Variants in ESRRG observed in about 807,000 individuals in gnomAD.
The protein encoded by ESRRG is estrogen related receptor gamma.
Under a neutral mutation model 44.0 loss-of-function variants are expected in ESRRG, and 13 were observed. That is an observed-to-expected ratio of 0.30 (90% CI 0.19 to 0.47). The LOEUF (loss-of-function observed/expected upper bound fraction) is 0.47, where lower values mean the gene tolerates loss of function less well. Ranked by LOEUF, ESRRG falls within the 20% of genes least tolerant of loss-of-function variation. ESRRG has a pLI of 1.00. For missense variants in ESRRG, 395 were observed against 580.6 expected, an observed-to-expected ratio of 0.68 and a Z score of 3.29; for synonymous variants, 215 against 214.6, an observed-to-expected ratio of 1.00 and a Z score of -0.02.
chr1:216,759,034 G>A (rs1174175976), intron 2 of ESRRG, among the ~76,000 whole-genome samples: 2 of 151,952 alleles, frequency 1.3e-5, no homozygotes, highest in African/African-American at 4.8e-5. Flanking sequence ...TTCAAACAAG[G>A]TCTAACTGGC....
At chr1:217,116,859 G>A (rs534253670) in intron 1 of ESRRG, among the ~76,000 whole-genome samples, 2 of 152,122 alleles carry the variant, frequency 1.3e-5, no homozygotes, top group South Asian at 2.1e-4. Flanking sequence ...TACTATTAAA[G>A]GATTGAGGAT....
intron 2 of ESRRG, among the ~76,000 whole-genome samples, chr1:216,730,235 C>G (rs2088461968): frequency 6.9e-6 from 1 of 144,906 alleles, no homozygotes; most frequent in Non-Finnish European, 1.5e-5. Flanking sequence ...CAAGGGAGTT[C>G]TGAACCTAAG....
At chr1:216,641,398 T>C (rs1469179195) in intron 3 of ESRRG, among the ~76,000 whole-genome samples, 1 of 152,248 alleles carries the variant, frequency 6.6e-6, no homozygotes, top group African/African-American at 2.4e-5. Context: ...TGCAGAATCA[T>C]GGACAAATCT....
chr1:216,868,142 G>C (rs1250502544), intron 2 of ESRRG, among the ~76,000 whole-genome samples: 2 of 136,886 alleles, frequency 1.5e-5, no homozygotes, highest in Admixed American at 1.6e-4. Flanking sequence ...GGCTGGAGTG[G>C]AATGGAGCGA....
chr1:216,996,784 T>C (rs1446677364), intron 1 of ESRRG, among the ~76,000 whole-genome samples: 2 of 152,178 alleles, frequency 1.3e-5, no homozygotes, highest in African/African-American at 4.8e-5. Context: ...CAATATTCAC[T>C]AAACACTCTC....
intron 1 of ESRRG, among the ~76,000 whole-genome samples, chr1:217,035,788 T>C (rs946909238): frequency 9.2e-5 from 14 of 152,126 alleles, no homozygotes; most frequent in Admixed American, 9.2e-4. Flanking sequence ...GCCCAAGTCA[T>C]ATCTATGCCT....
intron 5 of ESRRG, among the ~76,000 whole-genome samples, chr1:216,559,440 G>A (rs1436469306): frequency 6.6e-6 from 1 of 152,174 alleles, no homozygotes; most frequent in Non-Finnish European, 1.5e-5. Context: ...TAAGAGTTTT[G>A]TGCTATGCAC....
rs2073160254 is a variant in ESRRG, at chr1:216,663,750, C to T, written c.473-12661G>A. The stretch of plus-strand genomic sequence containing the variant: ...AAGTTTATGCAAATGGACAATTATT[C>T]TCACATCAAAACAGGAGAGAAATAA... On this transcript the variant is annotated intron_variant, in intron 2 of 6. Coordinates refer to ENST00000408911, the MANE Select transcript of ESRRG (RefSeq NM_001438.4). Among the ~76,000 whole-genome samples the T allele has an allele frequency of 2.0e-5, 3 of 152,098 alleles. 1 individual carries two copies. In the South Asian group the frequency reaches 6.2e-4, roughly 31 times the overall value.
At chr1:216,702,149 A>C (rs973813990) in intron 1 of ESRRG, among the ~76,000 whole-genome samples, 4 of 152,218 alleles carry the variant, frequency 2.6e-5, no homozygotes, top group Non-Finnish European at 5.9e-5. Context: ...TCTCCCTTTT[A>C]AAATTTCTTA....
intron 2 of ESRRG, among the ~76,000 whole-genome samples, chr1:216,832,705 G>T (rs1411184102): frequency 6.6e-6 from 1 of 152,040 alleles, no homozygotes; most frequent in Non-Finnish European, 1.5e-5. Flanking sequence ...GGCTCATGCC[G>T]GTAATACTAA....
intron 2 of ESRRG, among the ~76,000 whole-genome samples, chr1:216,840,478 A>G (rs1398181637): frequency 6.6e-6 from 1 of 151,762 alleles, no homozygotes; most frequent in Non-Finnish European, 1.5e-5. Flanking sequence ...TTTTCTTATC[A>G]TTGGTGTGTC....
intron 1 of ESRRG, among the ~76,000 whole-genome samples, chr1:217,041,108 G>A (rs2083779251): frequency 6.6e-6 from 1 of 151,824 alleles, no homozygotes; most frequent in Admixed American, 6.6e-5. Context: ...CCACAGAGTG[G>A]GTGTAGAGAA....
chr1:216,847,020 G>T (rs1479903803), intron 2 of ESRRG, among the ~76,000 whole-genome samples: 1 of 152,014 alleles, frequency 6.6e-6, no homozygotes, highest in African/African-American at 2.4e-5. Flanking sequence ...TTCCTTCCAG[G>T]TAAATAATTC....
At chr1:216,545,122 C>T (rs542027090) in intron 5 of ESRRG, among the ~76,000 whole-genome samples, 90 of 151,438 alleles carry the variant, frequency 5.9e-4, no homozygotes, top group Admixed American at 8.6e-4. Flanking sequence ...ACAATCATAG[C>T]TTACTCATCC....
intron 1 of ESRRG, among the ~76,000 whole-genome samples, chr1:216,969,716 G>T (rs1418313134): frequency 1.3e-5 from 2 of 152,112 alleles, no homozygotes; most frequent in Non-Finnish European, 2.9e-5. Flanking sequence ...CTTCTGAGTA[G>T]CTGGGATTAC....
chr1:217,132,592 T>C (rs1428398144), intron 1 of ESRRG, among the ~76,000 whole-genome samples: 1 of 152,144 alleles, frequency 6.6e-6, no homozygotes, highest in African/African-American at 2.4e-5. Context: ...TGATTATTGG[T>C]AAAATGGTGG....
At chr1:216,548,524 C>A (rs2055261692) in intron 5 of ESRRG, among the ~76,000 whole-genome samples, 1 of 152,074 alleles carries the variant, frequency 6.6e-6, no homozygotes, top group East Asian at 1.9e-4. Context: ...ACCAAAAGAA[C>A]AAAGCTAGTA....
At chr1:216,925,930 A>G (rs1008240342) in intron 2 of ESRRG, among the ~76,000 whole-genome samples, 2 of 152,024 alleles carry the variant, frequency 1.3e-5, no homozygotes, top group Non-Finnish European at 2.9e-5. Flanking sequence ...AGCCTGGGCA[A>G]CAGAGCTAGA....
chr1:216,607,432 G>T (rs1167860463), intron 3 of ESRRG, among the ~76,000 whole-genome samples: 1 of 152,202 alleles, frequency 6.6e-6, no homozygotes, highest in African/African-American at 2.4e-5. Flanking sequence ...GGTCAGGAAG[G>T]CTGGACAGAG....
Sources: gnomAD v4.1 joint callset for allele counts (sites outside exome capture counted in the v4.1 genomes callset) on GRCh38, gnomAD v4.1.1 for gene constraint, MANE v1.5 for transcripts, NCBI Gene and HGNC (gene_info 2026-07-23, HGNC 2026-07-21) for gene names.